The following PPFIA1 variants were observed in gnomAD, a reference collection of about 807,000 sequenced individuals.
PPFIA1 encodes the protein PPFI scaffold protein A1.
Under a neutral mutation model 149.9 loss-of-function variants are expected in PPFIA1, and 25 were observed. The observed-to-expected ratio is 0.17, with a 90% CI of 0.12 to 0.23. The LOEUF (loss-of-function observed/expected upper bound fraction) is 0.23, where lower values mean the gene tolerates loss of function less well. Ranked by LOEUF, PPFIA1 falls within the 10% of genes least tolerant of loss-of-function variation. The pLI, the probability that PPFIA1 is intolerant of heterozygous loss-of-function variation, is 1.00. For missense variants in PPFIA1, 1,362 were observed against 1,506.5 expected (o/e 0.90, Z 1.59); for synonymous variants, 549 against 552.8 (o/e 0.99, Z 0.10).
Position 70,300,039 on chromosome 11 carries a change from T to C in PPFIA1, c.265-24363T>C, listed in dbSNP as rs931763959. Among the ~76,000 whole-genome samples the C allele has an allele frequency of 1.5e-5, 2 of 136,846 alleles. 1 individual carries two copies. The highest frequency in any genetic ancestry group is 3.1e-5 in the Non-Finnish European group (2 of 63,728). 89.8% of individuals were successfully genotyped at this position (136,846 alleles called of 152,430 possible). A position where few individuals can be genotyped will look rare whatever the true frequency, so the allele number is the denominator to read the frequency against. On this transcript the variant is annotated intron_variant, in intron 2 of 27. Transcript: ENST00000253925. The stretch of plus-strand genomic sequence containing the variant: ...GATCTCCCTCCATCAGTGCCAGCCA[T>C]GCCCTCTGCCCCTTCCACCCGCCCC...
intron 21 of PPFIA1, among the ~76,000 whole-genome samples, chr11:70,366,828 TCCC>T: frequency 1.3e-5 from 2 of 152,334 alleles, no homozygotes; most frequent in South Asian, 4.1e-4. Flanking sequence ...CATTAGACTG[TCCC>T]CCCACCTTTT....
At chr11:70,374,826 C>T in intron 23 of PPFIA1, 92 bp from the exon 24 acceptor site, 1 of 1,200,670 alleles carries the variant, frequency 8.3e-7, no homozygotes, top group Non-Finnish European at 1.2e-6. Flanking sequence ...GATTAGGAAC[C>T]ATGGTAGGAA....
At chr11:70,323,922 C>G (rs1471165065) in intron 2 of PPFIA1, among the ~76,000 whole-genome samples, 1 of 152,266 alleles carries the variant, frequency 6.6e-6, no homozygotes, top group African/African-American at 2.4e-5. Context: ...ATGGTCACAC[C>G]ATTGCACTCT....
chr11:70,353,075 C>T (rs948891192), intron 16 of PPFIA1, among the ~76,000 whole-genome samples: 2 of 152,170 alleles, frequency 1.3e-5, no homozygotes, highest in Non-Finnish European at 2.9e-5. Flanking sequence ...ATGCAGGATT[C>T]ATTTGCATTT....
At chr11:70,294,328 G>T (rs1389342961) in intron 2 of PPFIA1, among the ~76,000 whole-genome samples, 1 of 152,138 alleles carries the variant, frequency 6.6e-6, no homozygotes, top group Non-Finnish European at 1.5e-5. Flanking sequence ...AACGTTTGGA[G>T]ATGGCGAGGT....
At chr11:70,333,768 G>C (rs556669315) in intron 10 of PPFIA1, among the ~76,000 whole-genome samples, 1 of 152,266 alleles carries the variant, frequency 6.6e-6, no homozygotes, top group Non-Finnish European at 1.5e-5. Context: ...TGGGAGCTGC[G>C]GAAGAAATTT....
intron 9 of PPFIA1, chr11:70,333,110 A>G (rs902218282): frequency 2.1e-6 from 1 of 472,008 alleles, no homozygotes; most frequent in African/African-American, 2.0e-5. Flanking sequence ...GAATGGGTGC[A>G]CTGCTCCTTG....
At chr11:70,379,631 T>TAA (rs1205221285) in intron 26 of PPFIA1, among the ~76,000 whole-genome samples, 1 of 151,608 alleles carries the variant, frequency 6.6e-6, no homozygotes, top group African/African-American at 2.4e-5. Context: ...AAAATAATAA[T>TAA]TGAAAACTGT....
chr11:70,297,293 C>T (rs922329335), intron 2 of PPFIA1, among the ~76,000 whole-genome samples: 30 of 152,032 alleles, frequency 2.0e-4, no homozygotes, highest in Non-Finnish European at 4.1e-4. Context: ...CTTGTAGTCC[C>T]AGCTACTCAG....
rs146358392 is a variant in PPFIA1 at position 70,337,121 on chromosome 11, C to T, written c.1429-244C>T. On this transcript the variant is annotated intron_variant, in intron 11 of 27. Coordinates refer to ENST00000253925, the MANE Select transcript of PPFIA1 (RefSeq NM_003626.5). Reference sequence around the variant, plus strand: ...TTAACTGATTAAAATGAACTTGCACCATGAACTTGACATACCTACCTTTAG... The same window carrying T: ...TTAACTGATTAAAATGAACTTGCACTATGAACTTGACATACCTACCTTTAG... Among the ~76,000 whole-genome samples, 10 of 152,252 alleles carry T rather than the reference C, an allele frequency of 6.6e-5. No individual in the cohort carries two copies. In the East Asian group the frequency reaches 1.9e-3, roughly 29 times the overall value.
chr11:70,297,138 T>C (rs764531505), intron 2 of PPFIA1, among the ~76,000 whole-genome samples: 3 of 152,226 alleles, frequency 2.0e-5, no homozygotes, highest in Non-Finnish European at 4.4e-5. Flanking sequence ...CCGGGCACGG[T>C]GGCTCACGCT....
intron 7 of PPFIA1, chr11:70,327,702 G>A (rs2054397917): frequency 6.6e-6 from 1 of 152,402 alleles, no homozygotes; most frequent in East Asian, 1.9e-4. Context: ...GAGCCCAGGA[G>A]GCAGAGCTTT....
intron 19 of PPFIA1, among the ~76,000 whole-genome samples, chr11:70,361,671 A>G (rs2056652681): frequency 6.6e-6 from 1 of 150,830 alleles, no homozygotes; most frequent in Admixed American, 6.6e-5. Flanking sequence ...GCTGGAGTGC[A>G]GTGGCACAGT....
intron 21 of PPFIA1, 138 bp from the exon 22 acceptor site, chr11:70,372,077 A>T: frequency 1.4e-6 from 1 of 717,230 alleles, no homozygotes; most frequent in Non-Finnish European, 2.1e-6. Context: ...AAGAGATCAA[A>T]TTATTTTGCA....
intron 14 of PPFIA1, among the ~76,000 whole-genome samples, chr11:70,343,239 G>A (rs1483660439): frequency 2.6e-5 from 4 of 152,178 alleles, no homozygotes; most frequent in South Asian, 2.1e-4. Flanking sequence ...GTGCCACCAC[G>A]CCTGGCGTGT....
At chr11:70,362,713 CA>C (rs776776016) in intron 21 of PPFIA1, 20 of 391,766 alleles carry the variant, frequency 5.1e-5, no homozygotes, top group Non-Finnish European at 8.5e-5. Context: ...AGAATGGCTT[CA>C]TAGTATAAAA....
chr11:70,381,518 A>G (rs2057710539), intron 26 of PPFIA1, among the ~76,000 whole-genome samples: 1 of 152,178 alleles, frequency 6.6e-6, no homozygotes, highest in Non-Finnish European at 1.5e-5. Flanking sequence ...CTGCAGCCAG[A>G]TCTCTGCACC....
intron 2 of PPFIA1, among the ~76,000 whole-genome samples, chr11:70,283,054 A>G (rs963524813): frequency 2.0e-5 from 3 of 148,522 alleles, no homozygotes; most frequent in Non-Finnish European, 3.0e-5. Flanking sequence ...TGGTCAGGCT[A>G]GTCTTGAACT....
rs368290140 is a variant in PPFIA1, at chr11:70,274,774, A to G, written c.264+2338A>G. On this transcript the variant is annotated intron_variant, in intron 2 of 27. Coordinates refer to ENST00000253925, the MANE Select transcript of PPFIA1 (RefSeq NM_003626.5). Reference sequence around the variant, plus strand: ...CACTCTGTTGCCCAGGCTGGAGTGCAGTGGCATGATCTCGGCTCACTGTAG... The same window carrying G: ...CACTCTGTTGCCCAGGCTGGAGTGCGGTGGCATGATCTCGGCTCACTGTAG... Among the ~76,000 whole-genome samples the G allele has an allele frequency of 3.2e-4, 48 of 151,904 alleles. No individual in the cohort carries two copies. The East Asian group carries it at 8.1e-3, about 26-fold the overall frequency.
Sources: allele counts gnomAD v4.1 joint callset (sites outside exome capture counted in the v4.1 genomes callset), GRCh38; gene constraint gnomAD v4.1.1; transcripts MANE v1.5; gene names NCBI Gene and HGNC (gene_info 2026-07-23, HGNC 2026-07-21).